The following TENM3 variants were observed in gnomAD, a reference collection of about 807,000 sequenced individuals.
TENM3 encodes the protein teneurin-3.
Under a neutral mutation model 255.1 loss-of-function variants are expected in TENM3, and 63 were observed. The observed-to-expected ratio is 0.25, with a 90% confidence interval of 0.20 to 0.30. The LOEUF is 0.30. Among genes scored for constraint, TENM3 ranks in the 10% least tolerant of loss-of-function variants. The pLI is 1.00. For synonymous variants in TENM3, 1,306 were observed against 1,322.3 expected, an observed-to-expected ratio of 0.99 and a Z score of 0.27; for missense variants, 2,929 against 3,461.1, an observed-to-expected ratio of 0.85 and a Z score of 3.86.
chr4:182,442,936 G>C (rs1384558945), intron 3 of TENM3, among the ~76,000 whole-genome samples: 1 of 151,390 alleles, frequency 6.6e-6, no homozygotes, highest in Non-Finnish European at 1.5e-5. Flanking sequence ...TGTTGCTCAG[G>C]CTGGTCTTGA....
chr4:181,780,044 C>T, the TENM3 span, among the ~76,000 whole-genome samples: 4 of 152,176 alleles, frequency 2.6e-5, 1 homozygote, highest in Non-Finnish European at 5.9e-5. Context: ...CATTGATGGA[C>T]ATTTGGGTTG....
the TENM3 span, among the ~76,000 whole-genome samples, chr4:181,549,402 G>T: frequency 6.6e-6 from 1 of 152,094 alleles, no homozygotes. Flanking sequence ...ACTTTTCCCT[G>T]CACGCACTGT....
chr4:181,823,531 G>T, the TENM3 span, among the ~76,000 whole-genome samples: 1 of 152,052 alleles, frequency 6.6e-6, no homozygotes, highest in East Asian at 1.9e-4. Context: ...GCATCAAGAG[G>T]AAAATAAGGA....
chr4:182,709,957 C>G (rs1050236326), intron 12 of TENM3, among the ~76,000 whole-genome samples: 1 of 152,174 alleles, frequency 6.6e-6, no homozygotes, highest in Admixed American at 6.5e-5. Context: ...TTCTGATGTT[C>G]TGGTGACCCA....
chr4:181,762,576 G>A, the TENM3 span, among the ~76,000 whole-genome samples: 1 of 152,154 alleles, frequency 6.6e-6, no homozygotes, highest in African/African-American at 2.4e-5. Context: ...TAATGAGACT[G>A]CTAAGAGTTT....
chr4:181,866,116 G>A, the TENM3 span, among the ~76,000 whole-genome samples: 1 of 152,100 alleles, frequency 6.6e-6, no homozygotes, highest in Non-Finnish European at 1.5e-5. Context: ...ATTTTAATTC[G>A]TTTGATATTT....
intron 1 of TENM3, among the ~76,000 whole-genome samples, chr4:182,225,517 T>C (rs993382505): frequency 1.3e-5 from 2 of 152,102 alleles, no homozygotes; most frequent in Non-Finnish European, 2.9e-5. Flanking sequence ...CATAGGAAAC[T>C]GGGGTTGTGG....
chr4:182,287,929 TTTG>T (rs1421387917), intron 1 of TENM3, among the ~76,000 whole-genome samples: 2 of 151,090 alleles, frequency 1.3e-5, no homozygotes, highest in Non-Finnish European at 2.9e-5. Flanking sequence ...TTTTTGTTTG[TTTG>T]TTTTTTGTTT....
At chr4:181,981,379 A>G in the TENM3 span, among the ~76,000 whole-genome samples, 1 of 152,264 alleles carries the variant, frequency 6.6e-6, no homozygotes, top group Non-Finnish European at 1.5e-5. Flanking sequence ...TTGAAGACTT[A>G]TAGAATGAAT....
At chr4:181,854,185 T>A in the TENM3 span, among the ~76,000 whole-genome samples, 5 of 152,190 alleles carry the variant, frequency 3.3e-5, no homozygotes, top group African/African-American at 1.2e-4. Context: ...CAGTCACAAT[T>A]TATTTCAAAT....
the TENM3 span, among the ~76,000 whole-genome samples, chr4:182,026,253 A>C: frequency 2.0e-5 from 3 of 152,078 alleles, no homozygotes; most frequent in Non-Finnish European, 4.4e-5. Context: ...TGCCATTTGT[A>C]AGTCTTCCTT....
chr4:182,680,270 A>G lies in TENM3; in HGVS notation c.1560A>G (p.Arg520=), dbSNP rs780942593. The change falls in exon 9 of 28, where the codon CGA becomes CGG. Residue 520 remains arginine (R), a synonymous_variant. Coordinates refer to ENST00000511685, the MANE Select transcript of TENM3 (RefSeq NM_001080477.4). ...CAGAGTCTGTGGTGGAATGTCCCCG[A>G]AATTGCCATGGAAATGGAGAATGCG... ...IVIESVVECP[R]NCHGNGECVS... The G allele has an allele frequency of 7.4e-6, 12 of 1,613,680 alleles. No individual in the cohort carries two copies. The South Asian group carries it at 9.9e-5, about 13-fold the overall frequency.
chr4:182,098,968 T>C, the TENM3 span, among the ~76,000 whole-genome samples: 8 of 139,926 alleles, frequency 5.7e-5, no homozygotes, highest in East Asian at 7.9e-4. Flanking sequence ...TTTTTCTTTT[T>C]TTTTTTTTTT....
At chr4:181,515,122 G>A in the TENM3 span, among the ~76,000 whole-genome samples, 1 of 152,124 alleles carries the variant, frequency 6.6e-6, no homozygotes, top group South Asian at 2.1e-4. Flanking sequence ...TATGTAGTGG[G>A]GCTCACACAT....
At chr4:181,783,207 T>C in the TENM3 span, among the ~76,000 whole-genome samples, 1 of 152,196 alleles carries the variant, frequency 6.6e-6, no homozygotes, top group African/African-American at 2.4e-5. Flanking sequence ...ATCTGTCTAA[T>C]GTTGACAGTG....
the TENM3 span, among the ~76,000 whole-genome samples, chr4:181,509,045 T>G: frequency 6.6e-6 from 1 of 151,792 alleles, no homozygotes; most frequent in Non-Finnish European, 1.5e-5. Flanking sequence ...CATGAAAGAA[T>G]GATGAATTTG....
the TENM3 span, among the ~76,000 whole-genome samples, chr4:181,818,471 A>G: frequency 6.6e-6 from 1 of 152,152 alleles, no homozygotes; most frequent in Non-Finnish European, 1.5e-5. Context: ...TCACCAATCT[A>G]CATTGCCACA....
At chr4:182,623,897 A>G (rs1432677872) in intron 4 of TENM3, among the ~76,000 whole-genome samples, 1 of 152,204 alleles carries the variant, frequency 6.6e-6, no homozygotes, top group Non-Finnish European at 1.5e-5. Context: ...CAGCCATAGA[A>G]GTAATTCCGC....
intron 3 of TENM3, among the ~76,000 whole-genome samples, chr4:182,387,308 C>G (rs940939298): frequency 6.6e-6 from 1 of 152,162 alleles, no homozygotes; most frequent in Non-Finnish European, 1.5e-5. Context: ...CTGGTGGGGC[C>G]TTGGAGAACC....
Sources: allele counts gnomAD v4.1 joint callset (sites outside exome capture counted in the v4.1 genomes callset), GRCh38; gene constraint gnomAD v4.1.1; transcripts MANE v1.5; gene names NCBI Gene and HGNC (gene_info 2026-07-23, HGNC 2026-07-21).